TMEM232: variants seen among roughly 807,000 people sequenced by gnomAD.
TMEM232 encodes transmembrane protein 232.
In TMEM232, 80 loss-of-function variants were observed where a neutral mutation model predicts 78.8. The ratio of observed to expected loss-of-function variants is 1.01; its 90% CI spans 0.85 to 1.22. The LOEUF (loss-of-function observed/expected upper bound fraction) is 1.22, where lower values mean the gene tolerates loss of function less well. TMEM232 is among the 50% of genes most tolerant of loss of function. TMEM232 has a pLI of 0.00. For synonymous variants in TMEM232, 297 were observed against 254.3 expected (o/e 1.17, Z -1.60); for missense variants, 881 against 742.2 (o/e 1.19, Z -2.17).
chr5:110,660,172 G>A (rs1255641792), intron 2 of TMEM232, among the ~76,000 whole-genome samples: 1 of 151,848 alleles, frequency 6.6e-6, no homozygotes, highest in Non-Finnish European at 1.5e-5. Flanking sequence ...AAAATTACCA[G>A]GTTTGGGAGA....
intron 12 of TMEM232, among the ~76,000 whole-genome samples, chr5:110,509,055 T>C (rs2149464671): frequency 6.8e-6 from 1 of 146,730 alleles, no homozygotes; most frequent in East Asian, 2.0e-4. Context: ...TGTGTATATA[T>C]GTATATATAA....
At chr5:110,713,151 A>C (rs1401606981) in intron 1 of TMEM232, among the ~76,000 whole-genome samples, 1 of 152,058 alleles carries the variant, frequency 6.6e-6, no homozygotes, top group Non-Finnish European at 1.5e-5. Context: ...ACAGGCACAG[A>C]AAGACAAACA....
chr5:110,470,327 G>A (rs1477142413), intron 12 of TMEM232, among the ~76,000 whole-genome samples: 1 of 152,066 alleles, frequency 6.6e-6, no homozygotes, highest in Non-Finnish European at 1.5e-5. Context: ...CCATGGTTCT[G>A]TGAGGAATCC....
chr5:110,678,365 T>C (rs1316097520), intron 1 of TMEM232, among the ~76,000 whole-genome samples: 1 of 151,996 alleles, frequency 6.6e-6, no homozygotes, highest in African/African-American at 2.4e-5. Context: ...ATGCCTAGCC[T>C]GACTTTACTT....
chr5:110,610,271 GTGGGTGGGT>G (rs1782083767), intron 8 of TMEM232, among the ~76,000 whole-genome samples: 1 of 146,400 alleles, frequency 6.8e-6, no homozygotes, highest in African/African-American at 2.6e-5. Context: ...AGGGAGGAAG[GTGGGTGGGT>G]GAAGGGAGGG....
chr5:110,413,845 T>C (rs1054027949), intron 2 of TMEM232, among the ~76,000 whole-genome samples: 1 of 152,198 alleles, frequency 6.6e-6, no homozygotes, highest in Non-Finnish European at 1.5e-5. Context: ...AAGGGAATTA[T>C]TATTCTAAAG....
intron 11 of TMEM232, among the ~76,000 whole-genome samples, chr5:110,532,411 ATCAATAC>A (rs796319351): frequency 6.6e-6 from 1 of 151,606 alleles, no homozygotes; most frequent in South Asian, 2.1e-4. Flanking sequence ...CCCCTTCTTA[ATCAATAC>A]GGAGGCTACC....
intron 12 of TMEM232, among the ~76,000 whole-genome samples, chr5:110,492,665 G>A (rs1017131740): frequency 6.6e-6 from 1 of 151,856 alleles, no homozygotes; most frequent in Admixed American, 6.6e-5. Context: ...AATATGTGGT[G>A]AGTCAAGAAA....
intron 12 of TMEM232, among the ~76,000 whole-genome samples, chr5:110,452,417 G>A (rs1220607182): frequency 6.6e-6 from 1 of 152,058 alleles, no homozygotes; most frequent in African/African-American, 2.4e-5. Context: ...ATTTCTTTGG[G>A]ATTGATTTTG....
chr5:110,688,100 T>C (rs1580668774), intron 1 of TMEM232, among the ~76,000 whole-genome samples: 1 of 134,752 alleles, frequency 7.4e-6, no homozygotes, highest in African/African-American at 2.5e-5. Flanking sequence ...GGGATGTGTG[T>C]GTGTGTGTGT....
At chr5:110,657,706 C>T (rs1249035923) in intron 2 of TMEM232, among the ~76,000 whole-genome samples, 2 of 151,904 alleles carry the variant, frequency 1.3e-5, no homozygotes, top group African/African-American at 4.8e-5. Context: ...TAGTAAATAA[C>T]AATGTATTGA....
downstream of TMEM232, among the ~76,000 whole-genome samples, chr5:110,419,336 A>G (rs1756431550): frequency 6.6e-6 from 1 of 152,150 alleles, no homozygotes; most frequent in African/African-American, 2.4e-5. Flanking sequence ...TATACAGGAA[A>G]TCAAAACAGC....
chr5:110,434,722 C>T (rs1233134017), intron 12 of TMEM232, among the ~76,000 whole-genome samples: 1 of 152,072 alleles, frequency 6.6e-6, no homozygotes, highest in Non-Finnish European at 1.5e-5. Context: ...ACTAGCAAAC[C>T]AAATGCGGCA....
chr5:110,732,975 T>A (rs779436380), intron 2 of TMEM232, among the ~76,000 whole-genome samples: 1 of 151,940 alleles, frequency 6.6e-6, no homozygotes, highest in Non-Finnish European at 1.5e-5. Context: ...CAAATATATA[T>A]GAAAACAACA....
chr5:110,594,893 G>A (rs935593854), intron 10 of TMEM232, among the ~76,000 whole-genome samples: 16 of 152,194 alleles, frequency 1.1e-4, no homozygotes, highest in African/African-American at 3.4e-4. Flanking sequence ...ATAGAGCAGC[G>A]GATCTCTCAG....
At chr5:110,606,806 T>G (rs1781597269) in intron 8 of TMEM232, among the ~76,000 whole-genome samples, 1 of 152,062 alleles carries the variant, frequency 6.6e-6, no homozygotes. Context: ...AAGACTAGTT[T>G]TTTTTAATAT....
chr5:110,558,770 C>A (rs1165928968), intron 11 of TMEM232, among the ~76,000 whole-genome samples: 1 of 152,210 alleles, frequency 6.6e-6, no homozygotes, highest in Non-Finnish European at 1.5e-5. Context: ...CCTTCCAACT[C>A]TCCAAGCAAC....
intron 2 of TMEM232, among the ~76,000 whole-genome samples, chr5:110,662,819 C>G (rs910489021): frequency 6.6e-6 from 1 of 151,844 alleles, no homozygotes. Flanking sequence ...ATATTATTTA[C>G]AAAAATTTCC....
chr5:110,445,138 T>G (rs1453656823), intron 12 of TMEM232, among the ~76,000 whole-genome samples: 1 of 152,046 alleles, frequency 6.6e-6, no homozygotes, highest in African/African-American at 2.4e-5. Context: ...ATTTTTTTCT[T>G]CTTTTTCTGC....
Sources: gnomAD v4.1 joint callset for allele counts (sites outside exome capture counted in the v4.1 genomes callset) on GRCh38, gnomAD v4.1.1 for gene constraint, MANE v1.5 for transcripts, NCBI Gene and HGNC (gene_info 2026-07-23, HGNC 2026-07-21) for gene names.